CFH: variants seen among roughly 807,000 people sequenced by gnomAD.
CFH encodes the protein H factor 1 (complement).
A neutral mutation model predicts 147.3 loss-of-function variants in CFH; 53 were observed. The observed-to-expected ratio is 0.36, with a 90% CI of 0.29 to 0.45. CFH has a LOEUF of 0.45. CFH is among the 20% of genes least tolerant of loss of function. CFH has a pLI of 1.00. For missense variants in CFH, 1,380 were observed against 1,498.0 expected (o/e 0.92, Z 1.30); for synonymous variants, 536 against 489.4 (o/e 1.10, Z -1.26).
rs772234619 is a variant in CFH, at chr1:196,690,258, A to G, written c.1336+19A>G. The G allele has an allele frequency of 3.7e-6, 6 of 1,612,672 alleles. No homozygotes were observed. Among genetic ancestry groups the G allele is most frequent in the South Asian group, 1.1e-5 (1 of 91,070 alleles). On this transcript the variant is annotated intron_variant, in intron 9 of 21. Transcript: ENST00000367429. ...CGTGTCAGTAAGTACACTACTCTGA[A>G]ATCCTAGCATGTTCATGTCTTTCTA...
intron 5 of CFH, 47 bp from the exon 6 acceptor site, chr1:196,679,576 C>A: frequency 2.2e-6 from 3 of 1,367,156 alleles, no homozygotes; most frequent in Admixed American, 1.7e-5. Context: ...TGGTCACAGT[C>A]CTTTAATTTG....
intron 21 of CFH, 123 bp downstream of exon 21, chr1:196,746,122 T>A: frequency 4.5e-6 from 7 of 1,552,630 alleles, no homozygotes; most frequent in African/African-American, 2.7e-5. Context: ...GCCTACCAAA[T>A]ATTTCTGTCA....
chr1:196,661,180 CATATT>C (rs1666888662), intron 1 of CFH, among the ~76,000 whole-genome samples: 2 of 152,044 alleles, frequency 1.3e-5, no homozygotes, highest in Admixed American at 6.5e-5. Context: ...TGTGGAATCA[CATATT>C]ATATGAGTTC....
chr1:196,675,734 A>G (rs1667431826), intron 3 of CFH, among the ~76,000 whole-genome samples: 1 of 152,098 alleles, frequency 6.6e-6, no homozygotes, highest in African/African-American at 2.4e-5. Flanking sequence ...AAAGGGAGAG[A>G]GAGGTTAAGA....
At chr1:196,709,350 T>C (rs1668671352) in intron 9 of CFH, among the ~76,000 whole-genome samples, 1 of 152,160 alleles carries the variant, frequency 6.6e-6, no homozygotes, top group Admixed American at 6.6e-5. Context: ...TACTAACATG[T>C]TCATCCAGCA....
chr1:196,706,652 C>A (rs1299665749), intron 9 of CFH, among the ~76,000 whole-genome samples: 2 of 152,174 alleles, frequency 1.3e-5, no homozygotes, highest in African/African-American at 4.8e-5. Context: ...TATCATCAAA[C>A]ACATACATGA....
At chr1:196,709,162 C>T (rs1432381567) in intron 9 of CFH, among the ~76,000 whole-genome samples, 1 of 152,118 alleles carries the variant, frequency 6.6e-6, no homozygotes, top group African/African-American at 2.4e-5. Flanking sequence ...TCGCTGGAGA[C>T]CATATGTCTC....
In CFH at chr1:196,715,727, G is replaced by C. The variant is rs372365885; in HGVS notation, c.1654G>C (p.Val552Leu). 1.2e-5 allele frequency: 19 copies of C among 1,612,640 alleles called. No individual in the cohort carries two copies. Among genetic ancestry groups the C allele is most frequent in the Middle Eastern group, 1.6e-4 (1 of 6,074 alleles). Reference sequence around the variant, plus strand: ...TACTGGAAGCACCACTGGTTCCATAGTGTGTGGTTACAATGGTTGGTCTGA... The same window carrying C: ...TACTGGAAGCACCACTGGTTCCATACTGTGTGGTTACAATGGTTGGTCTGA... Reference protein sequence around the residue: ...SNTGSTTGSIVCGYNGWSDLP... With the variant: ...SNTGSTTGSILCGYNGWSDLP... The change falls in exon 11 of 22, where the codon GTG becomes CTG. Residue 552 changes from valine to leucine, a missense_variant. Around this residue, in one of 4 missense-constraint regions of CFH, gnomAD observed 830 missense variants for 821.4 expected, o/e 1.01. Coordinates refer to ENST00000367429, the MANE Select transcript of CFH (RefSeq NM_000186.4).
intron 5 of CFH, 47 bp from the exon 6 acceptor site, chr1:196,679,576 C>T: frequency 7.3e-6 from 10 of 1,367,162 alleles, no homozygotes; most frequent in Non-Finnish European, 9.4e-6. Flanking sequence ...TGGTCACAGT[C>T]CTTTAATTTG....
intron 11 of CFH, among the ~76,000 whole-genome samples, chr1:196,719,999 C>A (rs775553629): frequency 6.6e-6 from 1 of 150,998 alleles, no homozygotes; most frequent in South Asian, 2.1e-4. Context: ...ACAAAAATAC[C>A]AATTTTAATT....
At chr1:196,689,112 G>C (rs1667936107) in intron 7 of CFH, among the ~76,000 whole-genome samples, 1 of 152,086 alleles carries the variant, frequency 6.6e-6, no homozygotes, top group Admixed American at 6.6e-5. Context: ...TAATTAACCA[G>C]GGATAGGGTA....
At chr1:196,714,699 A>AGAGAGAGG (rs1210723949) in intron 10 of CFH, among the ~76,000 whole-genome samples, 1 of 121,256 alleles carries the variant, frequency 8.2e-6, no homozygotes, top group African/African-American at 3.2e-5. Flanking sequence ...AGAGAGAGAG[A>AGAGAGAGG]GAGAGAGAGA....
At chr1:196,671,216 A>G (rs1667265474) in intron 1 of CFH, among the ~76,000 whole-genome samples, 1 of 152,028 alleles carries the variant, frequency 6.6e-6, no homozygotes, top group South Asian at 2.1e-4. Context: ...TAGTTCCTTT[A>G]ATGTTCCTAA....
In CFH at chr1:196,734,669, G is replaced by C. The variant is rs756905300; in HGVS notation, c.2414-2155G>C. On this transcript the variant is annotated intron_variant, in intron 15 of 21. Coordinates refer to ENST00000367429, the MANE Select transcript of CFH (RefSeq NM_000186.4). Reference sequence around the variant, plus strand: ...AATCAGTGTGCCTGTGGGGGGAAGGGAGAGTGGTGGCTTCCTATACTGGCA... The same window carrying C: ...AATCAGTGTGCCTGTGGGGGGAAGGCAGAGTGGTGGCTTCCTATACTGGCA... Among the ~76,000 whole-genome samples, 10 of 152,180 alleles carry C rather than the reference G, an allele frequency of 6.6e-5. No homozygotes were observed. The South Asian group carries it at 1.7e-3, about 25-fold the overall frequency.
intron 4 of CFH, chr1:196,677,257 T>C (rs1329423): frequency 0.25 from 121,027 of 474,706 alleles, 17,796 homozygotes; most frequent in East Asian, 0.51. Context: ...AGTAGTAATT[T>C]TCATTGTCCA....
At chr1:196,735,881 C>T (rs1669390448) in intron 15 of CFH, among the ~76,000 whole-genome samples, 1 of 151,992 alleles carries the variant, frequency 6.6e-6, no homozygotes, top group Non-Finnish European at 1.5e-5. Context: ...ATCCAAACGT[C>T]TCCCTGAATT....
intron 14 of CFH, among the ~76,000 whole-genome samples, chr1:196,727,822 T>A (rs1367876843): frequency 6.6e-6 from 1 of 152,180 alleles, no homozygotes; most frequent in Non-Finnish European, 1.5e-5. Flanking sequence ...AGTCAGGGAC[T>A]GAGTCAGGAC....
chr1:196,720,309 G>T (rs568391492), intron 11 of CFH, among the ~76,000 whole-genome samples: 1 of 151,904 alleles, frequency 6.6e-6, no homozygotes, highest in South Asian at 2.1e-4. Context: ...ATGTTTAGAT[G>T]GTCCAAATGC....
At chr1:196,679,870 T>C in intron 6 of CFH, 77 bp downstream of exon 6, 1 of 1,319,978 alleles carries the variant, frequency 7.6e-7, no homozygotes, top group South Asian at 1.3e-5. Flanking sequence ...AATCCACTTA[T>C]TTTAATCAAA....
Sources: allele counts gnomAD v4.1 joint callset (sites outside exome capture counted in the v4.1 genomes callset), GRCh38; gene constraint gnomAD v4.1.1; regional missense constraint gnomAD v4.1.1; transcripts MANE v1.5; gene names NCBI Gene and HGNC (gene_info 2026-07-23, HGNC 2026-07-21).